Variants in ABHD10 observed in about 807,000 individuals in gnomAD.
ABHD10 encodes the protein palmitoyl-protein thioesterase ABHD10, mitochondrial.
In ABHD10, 22 loss-of-function variants were observed where a neutral mutation model predicts 33.1. The ratio of observed to expected loss-of-function variants is 0.66; its 90% CI spans 0.47 to 0.95. The LOEUF (loss-of-function observed/expected upper bound fraction) is 0.95. ABHD10 is among the 40% of genes least tolerant of loss of function. The pLI, the probability that ABHD10 is intolerant of heterozygous loss-of-function variation, is 0.00. For missense variants in ABHD10, 352 were observed against 379.9 expected, an observed-to-expected ratio of 0.93 and a Z score of 0.61; for synonymous variants, 146 against 133.9, an observed-to-expected ratio of 1.09 and a Z score of -0.62.
At chr3:111,981,425 G>C (rs554870626) in intron 1 of ABHD10, among the ~76,000 whole-genome samples, 8 of 152,052 alleles carry the variant, frequency 5.3e-5, no homozygotes, top group Non-Finnish European at 1.0e-4. Context: ...AAACTATTGC[G>C]GGTAAATCTG....
chr3:111,987,155 T>C lies in ABHD10; in HGVS notation c.576+104T>C. 3 of 1,349,026 alleles carry C rather than the reference T, an allele frequency of 2.2e-6. No homozygotes were observed. The South Asian group carries it at 4.0e-5, about 18-fold the overall frequency. 83.6% of individuals were successfully genotyped at this position (1,349,026 alleles called of 1,614,324 possible). A position where few individuals can be genotyped will look rare whatever the true frequency, so the allele number is the denominator to read the frequency against. ...GGGGGACAGAAAACAATAATTCCTT[T>C]GACTTACTGTGCTGGCCCAACTTTT... On this transcript the variant is annotated intron_variant, in intron 4 of 4. Transcript: ENST00000273359.
intron 2 of ABHD10, among the ~76,000 whole-genome samples, chr3:111,985,788 A>C (rs1294908002): frequency 2.0e-5 from 3 of 151,142 alleles, no homozygotes; most frequent in Admixed American, 6.6e-5. Context: ...AGCTTCAAGA[A>C]GCAAAGCGAA....
chr3:111,991,067 T>C (rs1045892979), intron 4 of ABHD10, among the ~76,000 whole-genome samples: 1 of 152,204 alleles, frequency 6.6e-6, no homozygotes, highest in Non-Finnish European at 1.5e-5. Context: ...GTTTGAGTCT[T>C]AGCCATAACA....
chr3:111,981,516 T>C (rs2072585168), intron 1 of ABHD10, among the ~76,000 whole-genome samples: 1 of 152,166 alleles, frequency 6.6e-6, no homozygotes, highest in Non-Finnish European at 1.5e-5. Flanking sequence ...TCTTTTGTTG[T>C]CTTGAAATTC....
In ABHD10 at chr3:111,986,339, T is replaced by A; in HGVS notation, c.402T>A (p.Val134=). The change falls in exon 3 of 5, where the codon GTT becomes GTA. Residue 134 remains valine, a synonymous_variant. Transcript: ENST00000273359. ...CACTGGGGAAATGGAGAAAAGATGT[T>A]CTTTCTATAATTGATGACTTAGCTG... The part of the protein sequence containing the change: ...ESTLGKWRKD[V]LSIIDDLADG... 1 of 1,613,998 alleles carries A rather than the reference T, an allele frequency of 6.2e-7. No individual in the cohort carries two copies. The highest frequency in any genetic ancestry group is 8.5e-7 in the Non-Finnish European group (1 of 1,179,860).
Position 111,992,489 on chromosome 3 carries a change from C to T in ABHD10, c.*768C>T, listed in dbSNP as rs1375970885. 1 of 151,578 alleles carries T rather than the reference C, an allele frequency of 6.6e-6. No homozygotes were observed. Among genetic ancestry groups the T allele is most frequent in the East Asian group, 1.9e-4 (1 of 5,190 alleles). 9.4% of individuals were successfully genotyped at this position (151,578 alleles called of 1,614,324 possible). On this transcript the variant is annotated 3_prime_UTR_variant, in exon 5 of 5. Coordinates refer to ENST00000273359, the MANE Select transcript of ABHD10 (RefSeq NM_018394.4). ...AACATTCATTATTTTATTAATATTG[C>T]CCTAAGTACAACTAGGCAAGTGATT...
At chr3:111,981,594 T>G (rs887511386) in intron 1 of ABHD10, among the ~76,000 whole-genome samples, 190 bp from the exon 2 acceptor site, 6 of 152,356 alleles carry the variant, frequency 3.9e-5, no homozygotes, top group African/African-American at 1.2e-4. Flanking sequence ...GATGTTGGCA[T>G]GATTTTAAAA....
intron 4 of ABHD10, chr3:111,990,775 TA>T: frequency 8.4e-7 from 1 of 1,187,774 alleles, no homozygotes; most frequent in South Asian, 2.1e-5. Flanking sequence ...TGTTACAATG[TA>T]ATTACTCTTA....
Position 111,987,034 on chromosome 3 carries a change from A to G in ABHD10, c.559A>G (p.Asn187Asp), listed in dbSNP as rs143557152. Reference sequence around the variant, plus strand: ...TGCAGATACCTTAGTGACAAAGTTTAATCAGCTTCCTGTTGAGGTAAGTCA... The same window carrying G: ...TGCAGATACCTTAGTGACAAAGTTTGATCAGCTTCCTGTTGAGGTAAGTCA... ...TAADTLVTKFNQLPVELKKEV... is the reference protein window; with the variant it reads ...TAADTLVTKFDQLPVELKKEV... The change falls in exon 4 of 5, where the codon AAT becomes GAT. Residue 187 changes from asparagine to aspartate, a missense_variant. Physicochemically the swap from Asn to Asp is conservative, Grantham distance 23. Transcript: ENST00000273359. 2.5e-6 allele frequency: 4 copies of G among 1,612,498 alleles called. No individual in the cohort carries two copies. The African/African-American group carries it at 5.3e-5, about 22-fold the overall frequency.
intron 1 of ABHD10, 56 bp from the exon 2 acceptor site, chr3:111,981,728 G>T (rs2072587419): frequency 1.4e-6 from 2 of 1,390,934 alleles, no homozygotes; most frequent in Non-Finnish European, 1.9e-6. Context: ...AATATATATG[G>T]TTTTCCAAAG....
At chr3:111,991,325 T>TA in intron 4 of ABHD10, 52 bp from the exon 5 acceptor site, 1 of 1,496,842 alleles carries the variant, frequency 6.7e-7, no homozygotes, top group South Asian at 1.2e-5. Context: ...TTGCATGTGT[T>TA]AATGTTGCCT....
At chr3:111,980,898 G>A (rs905759503) in intron 1 of ABHD10, among the ~76,000 whole-genome samples, 1 of 152,134 alleles carries the variant, frequency 6.6e-6, no homozygotes, top group Non-Finnish European at 1.5e-5. Context: ...TGAGGTAGGC[G>A]GATGGGTGGG....
chr3:111,989,878 A>G (rs79291493), intron 4 of ABHD10, among the ~76,000 whole-genome samples: 5,046 of 152,144 alleles, frequency 0.033, 158 homozygotes, highest in South Asian at 0.15. Flanking sequence ...TATAGATTAT[A>G]TTATGTCATA....
intron 4 of ABHD10, 25 bp downstream of exon 4, chr3:111,987,076 C>T (rs766495985): frequency 6.2e-7 from 1 of 1,608,736 alleles, no homozygotes; most frequent in South Asian, 1.1e-5. Context: ...ACTTTTGCCA[C>T]CTCAATATAT....
At chr3:111,990,289 C>T (rs2072723820) in intron 4 of ABHD10, among the ~76,000 whole-genome samples, 1 of 151,800 alleles carries the variant, frequency 6.6e-6, no homozygotes, top group Admixed American at 6.6e-5. Context: ...TTTTTAAACC[C>T]AGAAATATAT....
intron 2 of ABHD10, among the ~76,000 whole-genome samples, chr3:111,984,868 G>A (rs1379705647): frequency 1.3e-5 from 2 of 152,140 alleles, no homozygotes; most frequent in South Asian, 2.1e-4. Flanking sequence ...CCAAGAAAGG[G>A]ATGAACATAA....
Position 111,990,683 on chromosome 3 carries a change from T to A in ABHD10, c.577-694T>A, listed in dbSNP as rs771273576. 1.9e-5 allele frequency: 25 copies of A among 1,325,122 alleles called. No individual in the cohort carries two copies. The African/African-American group carries it at 2.7e-4, about 14-fold the overall frequency. 82.1% of individuals were successfully genotyped at this position (1,325,122 alleles called of 1,614,324 possible). On this transcript the variant is annotated intron_variant, in intron 4 of 4. Coordinates refer to ENST00000273359, the MANE Select transcript of ABHD10 (RefSeq NM_018394.4). Reference sequence around the variant, plus strand: ...TTTGTCATCCAGAACAAAAATCAAATTTTTTCTCTTTTATAGGACTCTGGA... The same window carrying A: ...TTTGTCATCCAGAACAAAAATCAAAATTTTTCTCTTTTATAGGACTCTGGA...
chr3:111,982,100 T>C, intron 2 of ABHD10, 133 bp downstream of exon 2: 1 of 775,616 alleles, frequency 1.3e-6, no homozygotes. Flanking sequence ...ACTTGCATCT[T>C]GTGATTTAGG....
intron 2 of ABHD10, among the ~76,000 whole-genome samples, chr3:111,984,255 A>G (rs1449192520): frequency 6.6e-6 from 1 of 152,168 alleles, no homozygotes; most frequent in Non-Finnish European, 1.5e-5. Context: ...CTATTTCCCA[A>G]GGATCCAAAA....
Sources: gnomAD v4.1 joint callset for allele counts (sites outside exome capture counted in the v4.1 genomes callset) on GRCh38, gnomAD v4.1.1 for gene constraint, MANE v1.5 for transcripts, NCBI Gene and HGNC (gene_info 2026-07-23, HGNC 2026-07-21) for gene names.